Variants in METTL15 observed in about 807,000 individuals in gnomAD.
METTL15 encodes 12S rRNA N(4)-cytidine methyltransferase METTL15.
In METTL15, 34 loss-of-function variants were observed where a neutral mutation model predicts 38.3. The observed-to-expected ratio is 0.89, with a 90% CI of 0.68 to 1.18. The LOEUF (loss-of-function observed/expected upper bound fraction) is 1.18, where lower values mean the gene tolerates loss of function less well. METTL15 is among the 50% of genes most tolerant of loss of function. The pLI, the probability that METTL15 is intolerant of heterozygous loss-of-function variation, is 0.00. For synonymous variants in METTL15, 162 were observed against 170.9 expected, an observed-to-expected ratio of 0.95 and a Z score of 0.41; for missense variants, 438 against 498.4, an observed-to-expected ratio of 0.88 and a Z score of 1.15.
At chr11:28,497,948 G>A (rs1028339445) in intron 6 of METTL15, among the ~76,000 whole-genome samples, 3 of 151,854 alleles carry the variant, frequency 2.0e-5, no homozygotes, top group Admixed American at 6.6e-5. Flanking sequence ...CAGCTACTTG[G>A]GAAGCTGAGG....
At chr11:28,475,914 T>C (rs1451256431) in intron 6 of METTL15, among the ~76,000 whole-genome samples, 1 of 152,168 alleles carries the variant, frequency 6.6e-6, no homozygotes, top group East Asian at 1.9e-4. Flanking sequence ...ATCAGACCAG[T>C]GACTGTCCTC....
At position 28,331,655 on chromosome 11, in the gene METTL15, T is replaced by C. The variant is rs1006419863; in HGVS notation, c.*814T>C. On this transcript the variant is annotated 3_prime_UTR_variant, in exon 7 of 7. Coordinates refer to ENST00000407364, the MANE Select transcript of METTL15 (RefSeq NM_001113528.2). ...GAAATAGAAAACTGTCTATTTAATATAGTAAAATCAATGCTCCCTTAATGT... is the reference window on the plus strand; with the variant it reads ...GAAATAGAAAACTGTCTATTTAATACAGTAAAATCAATGCTCCCTTAATGT... 1.2e-4 allele frequency: 18 copies of C among 151,740 alleles called. No homozygotes were observed. The highest frequency in any genetic ancestry group is 4.1e-4 in the African/African-American group (17 of 41,424). The allele number at this position is 151,740 out of a possible 1,614,324, so 9.4% of individuals were successfully genotyped here.
chr11:28,373,072 A>T (rs1590349339), intron 5 of METTL15, among the ~76,000 whole-genome samples: 1 of 152,162 alleles, frequency 6.6e-6, no homozygotes, highest in South Asian at 2.1e-4. Flanking sequence ...AAAGTGCCAC[A>T]GTAAACATAC....
intron 5 of METTL15, 111 bp from the exon 6 acceptor site, chr11:28,296,641 CT>C: frequency 9.0e-7 from 1 of 1,113,314 alleles, no homozygotes; most frequent in South Asian, 1.6e-5. Flanking sequence ...TAAAACCTCA[CT>C]TCTCCTAGAG....
At chr11:28,161,170 T>A (rs1850450371) in intron 3 of METTL15, among the ~76,000 whole-genome samples, 1 of 150,952 alleles carries the variant, frequency 6.6e-6, no homozygotes, top group Non-Finnish European at 1.5e-5. Flanking sequence ...TTGCCCAGTC[T>A]GGAGTGCAGG....
intron 3 of METTL15, among the ~76,000 whole-genome samples, chr11:28,209,202 G>A (rs1852513006): frequency 6.6e-6 from 1 of 152,036 alleles, no homozygotes; most frequent in Admixed American, 6.6e-5. Flanking sequence ...CTCAGAATAA[G>A]GGTAATTGTA....
chr11:28,257,701 A>G (rs1012885155), intron 4 of METTL15, among the ~76,000 whole-genome samples: 20 of 152,064 alleles, frequency 1.3e-4, no homozygotes, highest in South Asian at 4.2e-4. Context: ...CAGTATGCCA[A>G]TTGCATTTTT....
At chr11:28,391,877 C>G (rs566521187) in intron 5 of METTL15, among the ~76,000 whole-genome samples, 27 of 151,932 alleles carry the variant, frequency 1.8e-4, no homozygotes, top group Admixed American at 1.1e-3. Flanking sequence ...AGAAAACCTA[C>G]GCAATACCAT....
chr11:28,271,316 T>C (rs1218147709), intron 4 of METTL15, among the ~76,000 whole-genome samples: 14 of 152,202 alleles, frequency 9.2e-5, no homozygotes. Context: ...TGTAAAATCA[T>C]GTGGTTTCAG....
chr11:28,499,088 A>G (rs1407812010), intron 6 of METTL15, among the ~76,000 whole-genome samples: 1 of 152,156 alleles, frequency 6.6e-6, no homozygotes, highest in African/African-American at 2.4e-5. Context: ...TCTAGCTATG[A>G]TAGGCCTTAC....
At chr11:28,199,535 A>T (rs1852029694) in intron 3 of METTL15, among the ~76,000 whole-genome samples, 1 of 151,964 alleles carries the variant, frequency 6.6e-6, no homozygotes, top group Non-Finnish European at 1.5e-5. Context: ...TCTCTTCTGG[A>T]GTAAGAATTT....
At chr11:28,305,862 T>TG in intron 6 of METTL15, among the ~76,000 whole-genome samples, 1 of 152,194 alleles carries the variant, frequency 6.6e-6, no homozygotes, top group Non-Finnish European at 1.5e-5. Flanking sequence ...GCAGAAGTGA[T>TG]GCCTATTTAT....
At chr11:28,267,522 CTA>C (rs1855474283) in intron 4 of METTL15, among the ~76,000 whole-genome samples, 1 of 152,154 alleles carries the variant, frequency 6.6e-6, no homozygotes, top group African/African-American at 2.4e-5. Flanking sequence ...TTATTAAACT[CTA>C]TGATTTACTT....
intron 5 of METTL15, among the ~76,000 whole-genome samples, chr11:28,390,235 A>G (rs1273356663): frequency 6.6e-6 from 1 of 151,170 alleles, no homozygotes; most frequent in Non-Finnish European, 1.5e-5. Flanking sequence ...TAGTTTAATT[A>G]GATCCCATTT....
intron 6 of METTL15, among the ~76,000 whole-genome samples, chr11:28,487,220 A>T (rs559406716): frequency 6.6e-6 from 1 of 152,276 alleles, no homozygotes; most frequent in Admixed American, 6.5e-5. Flanking sequence ...ATTCTAAGAG[A>T]ATCATGCATC....
At chr11:28,229,351 T>C (rs1272785553) in intron 4 of METTL15, among the ~76,000 whole-genome samples, 1 of 151,964 alleles carries the variant, frequency 6.6e-6, no homozygotes, top group Non-Finnish European at 1.5e-5. Context: ...GGACACTGCA[T>C]TCAACTTCCC....
chr11:28,171,473 G>A (rs184142008), intron 3 of METTL15, among the ~76,000 whole-genome samples: 3 of 152,108 alleles, frequency 2.0e-5, no homozygotes, highest in Non-Finnish European at 4.4e-5. Context: ...TTTTAAAAAC[G>A]TAACTGGAAA....
At chr11:28,408,668 G>A (rs1388805190) in intron 5 of METTL15, among the ~76,000 whole-genome samples, 3 of 152,058 alleles carry the variant, frequency 2.0e-5, no homozygotes, top group Admixed American at 2.0e-4. Context: ...TTAATGATGT[G>A]AAAAAGCCCA....
chr11:28,252,669 C>T (rs977535763), intron 4 of METTL15, among the ~76,000 whole-genome samples: 1 of 152,090 alleles, frequency 6.6e-6, no homozygotes, highest in African/African-American at 2.4e-5. Context: ...TCAGTCTCTC[C>T]CCGTCTATGG....
Sources: gnomAD v4.1 joint callset for allele counts (sites outside exome capture counted in the v4.1 genomes callset) on GRCh38, gnomAD v4.1.1 for gene constraint, MANE v1.5 for transcripts, NCBI Gene and HGNC (gene_info 2026-07-23, HGNC 2026-07-21) for gene names.